The following SPAG7 variants were observed in gnomAD, a reference collection of about 807,000 sequenced individuals.
SPAG7 encodes sperm-associated antigen 7.
Under a neutral mutation model 30.6 loss-of-function variants are expected in SPAG7, and 20 were observed. The ratio of observed to expected loss-of-function variants is 0.65; its 90% CI spans 0.46 to 0.95. The LOEUF is 0.95. SPAG7 is among the 40% of genes least tolerant of loss of function. The probability of loss-of-function intolerance (pLI) is 0.00; values close to 1 mark genes in which losing one functional copy is unlikely to be tolerated. For missense variants in SPAG7, 276 were observed against 291.1 expected (o/e 0.95, Z 0.38); for synonymous variants, 127 against 104.2 (o/e 1.22, Z -1.33).
Position 4,959,475 on chromosome 17 carries a change from C to T in SPAG7, c.*59G>A, listed in dbSNP as rs1195724672. The T allele has an allele frequency of 2.9e-6, 4 of 1,388,218 alleles. No homozygotes were observed. The highest frequency in any genetic ancestry group is 3.0e-6 in the Non-Finnish European group (3 of 985,964). The allele number at this position is 1,388,218 out of a possible 1,614,324, so 86.0% of individuals were successfully genotyped here. On this transcript the variant is annotated 3_prime_UTR_variant, in exon 7 of 7. Coordinates refer to ENST00000206020, the MANE Select transcript of SPAG7 (RefSeq NM_004890.3). ...CCAGGATGGGCTCTAATAGCAGCAG[C>T]CTTGTCTCTCCCTGCCCCCTGCCCT...
chr17:4,959,888 G>GCCT lies in SPAG7; in HGVS notation c.443_445dup (p.Glu148dup), dbSNP rs1285595968. On this transcript the variant is annotated inframe_insertion, in exon 6 of 7. Coordinates refer to ENST00000206020, the MANE Select transcript of SPAG7 (RefSeq NM_004890.3). ...CACCACCACAGGCCCCTGCTGGGCT[G>GCCT]CCTCCTCCTCTTGCCTCTGGGCCAG... The GCCT allele has an allele frequency of 1.9e-6, 3 of 1,613,500 alleles. No homozygotes were observed. Among genetic ancestry groups the GCCT allele is most frequent in the Non-Finnish European group, 1.7e-6 (2 of 1,180,012 alleles).
intron 1 of SPAG7, among the ~76,000 whole-genome samples, chr17:4,963,679 G>A (rs997036654): frequency 2.6e-5 from 4 of 151,934 alleles, no homozygotes; most frequent in Non-Finnish European, 4.4e-5. Context: ...GGCTGGTCTC[G>A]AACTCCTGAC....
chr17:4,961,349 G>T (rs1259355204), intron 1 of SPAG7, among the ~76,000 whole-genome samples: 1 of 150,746 alleles, frequency 6.6e-6, no homozygotes, highest in Non-Finnish European at 1.5e-5. Flanking sequence ...TCCAGCTACT[G>T]GGGAGGCTGA....
intron 1 of SPAG7, among the ~76,000 whole-genome samples, chr17:4,961,764 CAAAAAAAAAA>C (rs762833514): frequency 1.7e-5 from 1 of 57,632 alleles, no homozygotes; most frequent in South Asian, 6.9e-4. Context: ...GACTCCATCT[CAAAAAAAAAA>C]AAAAAAAAAA....
chr17:4,966,913 G>C (rs546582974), intron 1 of SPAG7: 1 of 985,410 alleles, frequency 1.0e-6, no homozygotes, highest in South Asian at 4.7e-5. Context: ...GTCAAGGTCC[G>C]CAGGTTTGGG....
chr17:4,967,357 G>T, intron 1 of SPAG7: 3 of 399,668 alleles, frequency 7.5e-6, no homozygotes, highest in Non-Finnish European at 1.0e-5. Flanking sequence ...TAGATGGCGT[G>T]TCCTAAATCC....
At chr17:4,964,055 G>A (rs1378571336) in intron 1 of SPAG7, among the ~76,000 whole-genome samples, 1 of 152,076 alleles carries the variant, frequency 6.6e-6, no homozygotes, top group Non-Finnish European at 1.5e-5. Flanking sequence ...GAGGTGGGAG[G>A]ATCACTTGAG....
At chr17:4,960,964 GTA>G (rs1231936273) in intron 1 of SPAG7, 111 bp from the exon 2 acceptor site, 1 of 913,484 alleles carries the variant, frequency 1.1e-6, no homozygotes, top group Non-Finnish European at 1.8e-6. Flanking sequence ...GGCTGGGAAG[GTA>G]GGATTAGCGT....
At position 4,960,290 on chromosome 17, in the gene SPAG7, T is replaced by G; in HGVS notation, c.271A>C (p.Thr91Pro). The change falls in exon 4 of 7, where the codon ACA becomes CCA. Residue 91 changes from threonine (T) to proline (P), a missense_variant. By Grantham distance (38) the Thr-to-Pro change is conservative. Transcript: ENST00000206020. ...TCATCTTCCCCAAAGGAGAAGGATGTCAGGCCAGCCACTTCCACCACATCA... is the reference window on the plus strand; with the variant it reads ...TCATCTTCCCCAAAGGAGAAGGATGGCAGGCCAGCCACTTCCACCACATCA... ...LHDVVEVAGL[T>P]SFSFGEDDDC... is the part of the protein sequence containing the mutation. 6.2e-7 allele frequency: 1 copy of G among 1,614,136 alleles called. No individual in the cohort carries two copies. The highest frequency in any genetic ancestry group is 8.5e-7 in the Non-Finnish European group (1 of 1,180,008).
chr17:4,964,117 C>T (rs2151148556), intron 1 of SPAG7, among the ~76,000 whole-genome samples: 1 of 152,128 alleles, frequency 6.6e-6, no homozygotes, highest in East Asian at 1.9e-4. Context: ...AGCTGTGAGT[C>T]CCCTCGCCTG....
In SPAG7 at chr17:4,959,433, G is replaced by T. The variant is rs1971819885; in HGVS notation, c.*101C>A. On this transcript the variant is annotated 3_prime_UTR_variant, in exon 7 of 7. Transcript: ENST00000206020. ...GCCTGAGGGACAGCTGGTAGGAGGT[G>T]GTTCAGAGGTGGGGCTCCAGGATGG... 2 of 859,368 alleles carry T rather than the reference G, an allele frequency of 2.3e-6. No individual in the cohort carries two copies. The highest frequency in any genetic ancestry group is 3.3e-5 in the African/African-American group (2 of 59,954). 53.2% of individuals were successfully genotyped at this position (859,368 alleles called of 1,614,324 possible). A position where few individuals can be genotyped will look rare whatever the true frequency, so the allele number is the denominator to read the frequency against.
In SPAG7 at chr17:4,960,303, T is replaced by C. The variant is rs1191029188; in HGVS notation, c.258A>G (p.Glu86=). 1 of 1,614,164 alleles carries C rather than the reference T, an allele frequency of 6.2e-7. No homozygotes were observed. The highest frequency in any genetic ancestry group is 8.5e-7 in the Non-Finnish European group (1 of 1,179,998). ...AGGAGAAGGATGTCAGGCCAGCCACTTCCACCACATCATGTCTGGGATGGG... is the reference window on the plus strand; with the variant it reads ...AGGAGAAGGATGTCAGGCCAGCCACCTCCACCACATCATGTCTGGGATGGG... ...IERSILHDVV[E]VAGLTSFSFG... The change falls in exon 4 of 7, where the codon GAA becomes GAG. Residue 86 remains glutamate (E), a synonymous_variant. Transcript: ENST00000206020.
At chr17:4,965,840 T>C (rs1567677546) in intron 1 of SPAG7, 1 of 144,274 alleles carries the variant, frequency 6.9e-6, no homozygotes, top group African/African-American at 2.9e-5. Context: ...ATTTATTTAT[T>C]TATTTATTTA....
chr17:4,960,427 T>C (rs2151147155), intron 3 of SPAG7, 32 bp downstream of exon 3: 4 of 1,601,972 alleles, frequency 2.5e-6, no homozygotes, highest in East Asian at 2.2e-5. Flanking sequence ...TAGCCACCCA[T>C]TTCCTTCCTC....
At chr17:4,962,919 C>T (rs1039775813) in intron 1 of SPAG7, among the ~76,000 whole-genome samples, 1 of 151,322 alleles carries the variant, frequency 6.6e-6, no homozygotes, top group Non-Finnish European at 1.5e-5. Flanking sequence ...CTGCACCCAG[C>T]CTTGGCTAAT....
At chr17:4,966,721 A>G (rs538495135) in intron 1 of SPAG7, 1 of 985,412 alleles carries the variant, frequency 1.0e-6, no homozygotes, top group Non-Finnish European at 1.2e-6. Flanking sequence ...TGATCACTGC[A>G]TCAATGAGCG....
intron 1 of SPAG7, among the ~76,000 whole-genome samples, chr17:4,964,899 C>G (rs1971924583): frequency 6.6e-6 from 1 of 151,686 alleles, no homozygotes; most frequent in East Asian, 1.9e-4. Flanking sequence ...CCACACCCGG[C>G]TAATTTTTTT....
At position 4,959,407 on chromosome 17, in the gene SPAG7, A is replaced by C. The variant is rs1393944640; in HGVS notation, c.*127T>G. On this transcript the variant is annotated 3_prime_UTR_variant, in exon 7 of 7. Coordinates refer to ENST00000206020, the MANE Select transcript of SPAG7 (RefSeq NM_004890.3). ...ACAAATCAAACACCTGTTTTCCCCCAGCCTGAGGGACAGCTGGTAGGAGGT... is the reference window on the plus strand; with the variant it reads ...ACAAATCAAACACCTGTTTTCCCCCCGCCTGAGGGACAGCTGGTAGGAGGT... 1.1e-5 allele frequency: 8 copies of C among 719,648 alleles called. No homozygotes were observed. Among genetic ancestry groups the C allele is most frequent in the African/African-American group, 1.1e-4 (6 of 57,012 alleles). 44.6% of individuals were successfully genotyped at this position (719,648 alleles called of 1,614,324 possible).
chr17:4,959,367 C>T lies in SPAG7; in HGVS notation c.*167G>A. ...CACACACACATGCCACGCACATATCCAAGCTCCAACGGTGACAAATCAAAC... is the reference window on the plus strand; with the variant it reads ...CACACACACATGCCACGCACATATCTAAGCTCCAACGGTGACAAATCAAAC... On this transcript the variant is annotated 3_prime_UTR_variant, in exon 7 of 7. Transcript: ENST00000206020. The T allele has an allele frequency of 1.6e-6, 1 of 617,828 alleles. No homozygotes were observed. Among genetic ancestry groups the T allele is most frequent in the Non-Finnish European group, 2.9e-6 (1 of 347,064 alleles). The allele number at this position is 617,828 out of a possible 1,614,324, so 38.3% of individuals were successfully genotyped here.
Sources: gnomAD v4.1 joint callset for allele counts (sites outside exome capture counted in the v4.1 genomes callset) on GRCh38, gnomAD v4.1.1 for gene constraint, MANE v1.5 for transcripts, NCBI Gene and HGNC (gene_info 2026-07-23, HGNC 2026-07-21) for gene names.